COL19A1: variants seen among roughly 807,000 people sequenced by gnomAD.
The protein encoded by COL19A1 is collagen alpha-1(XIX) chain.
Under a neutral mutation model 190.2 loss-of-function variants are expected in COL19A1, and 159 were observed. The ratio of observed to expected loss-of-function variants is 0.84; its 90% CI spans 0.73 to 0.95. The LOEUF (loss-of-function observed/expected upper bound fraction) is 0.95. Ranked by LOEUF, COL19A1 falls within the 40% of genes least tolerant of loss-of-function variation. The pLI is 0.00. For synonymous variants in COL19A1, 509 were observed against 458.9 expected (o/e 1.11, Z -1.39); for missense variants, 1,418 against 1,431.9 (o/e 0.99, Z 0.16).
chr6:70,041,120 G>T (rs903668429), intron 14 of COL19A1, among the ~76,000 whole-genome samples: 1 of 152,116 alleles, frequency 6.6e-6, no homozygotes, highest in African/African-American at 2.4e-5. Flanking sequence ...AAAATCCATG[G>T]TTGCCACCAT....
chr6:69,936,141 T>A (rs1050662065), intron 7 of COL19A1, among the ~76,000 whole-genome samples: 6 of 152,202 alleles, frequency 3.9e-5, no homozygotes, highest in East Asian at 1.9e-4. Context: ...GTTAATTTTT[T>A]AAAAAATGTT....
At chr6:70,106,393 ATATC>A (rs1783968227) in intron 16 of COL19A1, among the ~76,000 whole-genome samples, 1 of 151,898 alleles carries the variant, frequency 6.6e-6, no homozygotes, top group Non-Finnish European at 1.5e-5. Context: ...CTGAGACATT[ATATC>A]TCCTAGGGAA....
chr6:69,870,508 G>A (rs1343339932), intron 1 of COL19A1, among the ~76,000 whole-genome samples: 1 of 152,178 alleles, frequency 6.6e-6, no homozygotes, highest in Admixed American at 6.5e-5. Flanking sequence ...CTTTCCAGTA[G>A]CCAAAAAAGC....
chr6:70,181,951 G>C (rs938095344), intron 44 of COL19A1, among the ~76,000 whole-genome samples: 1 of 152,188 alleles, frequency 6.6e-6, no homozygotes, highest in African/African-American at 2.4e-5. Flanking sequence ...GGAGATGTAG[G>C]CAGTGGCCAG....
chr6:70,195,849 C>A (rs1256802274), intron 48 of COL19A1, among the ~76,000 whole-genome samples: 1 of 152,192 alleles, frequency 6.6e-6, no homozygotes, highest in Non-Finnish European at 1.5e-5. Context: ...TATCACTCAA[C>A]CGTCTGGTTC....
intron 11 of COL19A1, among the ~76,000 whole-genome samples, chr6:69,994,211 T>C (rs1776777303): frequency 6.6e-6 from 1 of 152,108 alleles, no homozygotes; most frequent in South Asian, 2.1e-4. Flanking sequence ...TGAAGTCAAG[T>C]TTATTAATAA....
intron 2 of COL19A1, among the ~76,000 whole-genome samples, chr6:69,894,444 A>G (rs754285945): frequency 6.6e-6 from 1 of 152,242 alleles, no homozygotes; most frequent in South Asian, 2.1e-4. Flanking sequence ...CAGTTTACCA[A>G]TAATCTCTAA....
intron 9 of COL19A1, among the ~76,000 whole-genome samples, chr6:69,959,647 A>G (rs1021382769): frequency 3.9e-5 from 6 of 152,206 alleles, no homozygotes; most frequent in Admixed American, 2.6e-4. Flanking sequence ...TCAGACTTCA[A>G]TATTATTCCC....
At chr6:70,195,133 G>GGCGAT (rs1767112722) in intron 48 of COL19A1, among the ~76,000 whole-genome samples, 1 of 84,524 alleles carries the variant, frequency 1.2e-5, no homozygotes, top group South Asian at 3.4e-4. Context: ...ATACATCATT[G>GGCGAT]ATGATATATA....
rs1369308742 is a variant in COL19A1, at chr6:70,156,747, A to G, written c.2292+24A>G. 3.2e-6 allele frequency: 5 copies of G among 1,575,122 alleles called. No individual in the cohort carries two copies. In the Admixed American group the frequency reaches 5.1e-5, roughly 16 times the overall value. On this transcript the variant is annotated intron_variant, in intron 34 of 50. Transcript: ENST00000620364. Reference sequence around the variant, plus strand: ...AGGTAACAGATTCTTTTCTGATTATATAGTCCTAATATTGATTCTCTTTAC... The same window carrying G: ...AGGTAACAGATTCTTTTCTGATTATGTAGTCCTAATATTGATTCTCTTTAC...
At chr6:69,878,126 C>G (rs1238698283) in intron 1 of COL19A1, among the ~76,000 whole-genome samples, 1 of 151,944 alleles carries the variant, frequency 6.6e-6, no homozygotes, top group Non-Finnish European at 1.5e-5. Context: ...ATCACTAATA[C>G]TTAGGGAGAT....
At chr6:70,003,024 T>A (rs1170501649) in intron 11 of COL19A1, among the ~76,000 whole-genome samples, 4 of 152,124 alleles carry the variant, frequency 2.6e-5, no homozygotes, top group African/African-American at 4.8e-5. Context: ...GCATTAGGTG[T>A]TATATAAATT....
chr6:69,913,520 C>G (rs1005192228), intron 4 of COL19A1, among the ~76,000 whole-genome samples: 3 of 152,006 alleles, frequency 2.0e-5, no homozygotes, highest in Non-Finnish European at 2.9e-5. Context: ...AAAAGTTGAG[C>G]CTTGAAGTGT....
chr6:70,160,437 A>G (rs1562231860), intron 34 of COL19A1, among the ~76,000 whole-genome samples: 2 of 152,120 alleles, frequency 1.3e-5, no homozygotes, highest in Admixed American at 1.3e-4. Flanking sequence ...CTCAGAGCCA[A>G]ATCATATCAA....
At chr6:69,868,161 C>G (rs1457244222) in intron 1 of COL19A1, among the ~76,000 whole-genome samples, 1 of 150,480 alleles carries the variant, frequency 6.6e-6, no homozygotes, top group Non-Finnish European at 1.5e-5. Flanking sequence ...CCCCTCTGCC[C>G]GAATCAAACA....
chr6:69,941,569 T>C (rs1400605233), intron 9 of COL19A1, among the ~76,000 whole-genome samples: 2 of 152,174 alleles, frequency 1.3e-5, no homozygotes, highest in African/African-American at 4.8e-5. Context: ...ATAGTAATAA[T>C]TGATCAATAG....
chr6:70,023,395 C>A (rs573502606), intron 11 of COL19A1, among the ~76,000 whole-genome samples: 7 of 152,234 alleles, frequency 4.6e-5, no homozygotes, highest in African/African-American at 1.7e-4. Flanking sequence ...CTCGGCCTCC[C>A]AAAGTGCTAG....
At chr6:70,158,010 C>T (rs539426330) in intron 34 of COL19A1, among the ~76,000 whole-genome samples, 1 of 152,192 alleles carries the variant, frequency 6.6e-6, no homozygotes, top group South Asian at 2.1e-4. Context: ...GCTTTTTCTT[C>T]GGTACCCCTC....
intron 4 of COL19A1, among the ~76,000 whole-genome samples, chr6:69,915,332 G>A (rs1275648758): frequency 6.6e-6 from 1 of 152,140 alleles, no homozygotes; most frequent in Non-Finnish European, 1.5e-5. Flanking sequence ...ATAAATATGA[G>A]CATGTACTTT....
Sources: gnomAD v4.1 joint callset for allele counts (sites outside exome capture counted in the v4.1 genomes callset) on GRCh38, gnomAD v4.1.1 for gene constraint, MANE v1.5 for transcripts, NCBI Gene and HGNC (gene_info 2026-07-23, HGNC 2026-07-21) for gene names.